The following ERBB4 variants were observed in gnomAD, a reference collection of about 807,000 sequenced individuals.
ERBB4 encodes erb-b2 receptor tyrosine kinase 4, also known as receptor tyrosine-protein kinase erbB-4.
Under a neutral mutation model 158.0 loss-of-function variants are expected in ERBB4, and 42 were observed. The observed-to-expected ratio is 0.27, with a 90% CI of 0.21 to 0.34. The LOEUF (loss-of-function observed/expected upper bound fraction) is 0.34, where lower values mean the gene tolerates loss of function less well. ERBB4 is among the 10% of genes least tolerant of loss of function. The pLI is 1.00. For missense variants in ERBB4, 1,333 were observed against 1,624.1 expected, an observed-to-expected ratio of 0.82 and a Z score of 3.08; for synonymous variants, 583 against 558.7, an observed-to-expected ratio of 1.04 and a Z score of -0.61.
intron 3 of ERBB4, among the ~76,000 whole-genome samples, chr2:211,854,211 C>T (rs968114413): frequency 5.3e-5 from 8 of 151,928 alleles, no homozygotes; most frequent in African/African-American, 1.7e-4. Context: ...TTATCATCTA[C>T]AAAATCAAGG....
chr2:211,873,514 G>A (rs1277154780), intron 3 of ERBB4, among the ~76,000 whole-genome samples: 2 of 152,288 alleles, frequency 1.3e-5, no homozygotes, highest in Non-Finnish European at 2.9e-5. Flanking sequence ...AAAATCCCAT[G>A]CCTAAGATAT....
intron 15 of ERBB4, chr2:211,658,137 T>A: frequency 1.8e-6 from 1 of 563,300 alleles, no homozygotes; most frequent in Non-Finnish European, 3.1e-6. Flanking sequence ...AGGAAGATTT[T>A]TGCTTGATGA....
intron 14 of ERBB4, among the ~76,000 whole-genome samples, chr2:211,668,424 T>G (rs2071709936): frequency 6.6e-6 from 1 of 152,184 alleles, no homozygotes; most frequent in Admixed American, 6.5e-5. Context: ...TTCATTATAT[T>G]CCCAAAGGCT....
intron 1 of ERBB4, among the ~76,000 whole-genome samples, chr2:212,159,635 T>C (rs2081146616): frequency 6.6e-6 from 1 of 151,944 alleles, no homozygotes; most frequent in Non-Finnish European, 1.5e-5. Flanking sequence ...ATGAATTGTT[T>C]TCTTTCATCC....
Position 212,317,638 on chromosome 2 carries a change from G to T in ERBB4, c.83-192735C>A, listed in dbSNP as rs146242948. On this transcript the variant is annotated intron_variant, in intron 1 of 27. Transcript: ENST00000342788. ...ATTTCACAGAATTCTTAGAATTACA[G>T]AAGTTTCTAAATAAAGAGAACTTCA... 4.0e-4 allele frequency among the ~76,000 whole-genome samples: 61 copies of T among 151,524 alleles called. 1 individual carries two copies. The highest frequency in any genetic ancestry group is 6.6e-4 in the Non-Finnish European group (45 of 67,728).
rs533318120 is a variant in ERBB4 at position 211,496,360 on chromosome 2, T to C, written c.2488-65260A>G. On this transcript the variant is annotated intron_variant, in intron 20 of 27. Transcript: ENST00000342788. ...GACACTTCTGTTTGAGCCTCTAATA[T>C]GTTATGTGTGCAAATCTGTGCTCCT... Among the ~76,000 whole-genome samples the C allele has an allele frequency of 2.2e-4, 33 of 152,108 alleles. No individual in the cohort carries two copies. In the South Asian group the frequency reaches 6.4e-3, roughly 30 times the overall value.
chr2:212,495,324 C>G (rs1031805801), intron 1 of ERBB4, among the ~76,000 whole-genome samples: 1 of 152,122 alleles, frequency 6.6e-6, no homozygotes, highest in African/African-American at 2.4e-5. Flanking sequence ...AGTTTGCAAA[C>G]AATTCCAGGA....
chr2:212,445,068 G>A lies in ERBB4; in HGVS notation c.82+93381C>T, dbSNP rs547436693. Among the ~76,000 whole-genome samples the A allele has an allele frequency of 3.9e-5, 6 of 152,016 alleles. 1 individual carries two copies. In the South Asian group the frequency reaches 1.2e-3, roughly 32 times the overall value. On this transcript the variant is annotated intron_variant, in intron 1 of 27. Transcript: ENST00000342788. The stretch of plus-strand genomic sequence containing the variant: ...TTTATAGCTAAAGAACTGTGGCAGT[G>A]GGCTCATGCTCATGGAATTCACTGG...
At chr2:212,383,417 G>GGAAA (rs1387198632) in intron 1 of ERBB4, among the ~76,000 whole-genome samples, 60 of 151,574 alleles carry the variant, frequency 4.0e-4, no homozygotes, top group African/African-American at 1.4e-3. Context: ...AAAGAAAGAA[G>GGAAA]GAAAGAAACA....
intron 20 of ERBB4, among the ~76,000 whole-genome samples, chr2:211,476,177 G>T (rs931254426): frequency 1.3e-5 from 2 of 151,958 alleles, no homozygotes; most frequent in African/African-American, 2.4e-5. Flanking sequence ...TAAGACAGAG[G>T]GGAAAACATG....
intron 2 of ERBB4, among the ~76,000 whole-genome samples, chr2:211,967,335 C>T (rs1434392778): frequency 1.3e-5 from 2 of 151,962 alleles, no homozygotes; most frequent in Non-Finnish European, 2.9e-5. Flanking sequence ...ATTTAAGAGG[C>T]TTTACTTAAG....
intron 18 of ERBB4, among the ~76,000 whole-genome samples, chr2:211,622,991 ATATATATATATATATATAT>A (rs1327516687): frequency 7.8e-4 from 5 of 6,424 alleles, no homozygotes; most frequent in Admixed American, 4.5e-3. Context: ...AAAAAAAAAA[ATATATATATATATATATAT>A]ATATATATAT....
intron 1 of ERBB4, among the ~76,000 whole-genome samples, chr2:212,197,516 T>C (rs955079131): frequency 6.6e-6 from 1 of 152,172 alleles, no homozygotes; most frequent in Non-Finnish European, 1.5e-5. Flanking sequence ...CTCTCATAAA[T>C]ATCTTGCTCA....
At chr2:211,592,554 GA>G (rs1176679504) in intron 19 of ERBB4, among the ~76,000 whole-genome samples, 1 of 152,098 alleles carries the variant, frequency 6.6e-6, no homozygotes, top group African/African-American at 2.4e-5. Flanking sequence ...AAGGATGCAT[GA>G]AAAATAAAAC....
At chr2:211,837,069 C>T (rs1487234233) in intron 3 of ERBB4, among the ~76,000 whole-genome samples, 2 of 151,980 alleles carry the variant, frequency 1.3e-5, no homozygotes. Context: ...TTATGAAATA[C>T]ATCTAAATAA....
intron 20 of ERBB4, among the ~76,000 whole-genome samples, chr2:211,513,845 TA>T (rs956963749): frequency 6.6e-6 from 1 of 151,998 alleles, no homozygotes; most frequent in African/African-American, 2.4e-5. Context: ...TGGGGGGGAT[TA>T]AAAAATTGAT....
At chr2:211,681,836 T>TATC (rs760429207) in intron 12 of ERBB4, among the ~76,000 whole-genome samples, 88 of 152,252 alleles carry the variant, frequency 5.8e-4, no homozygotes, top group Non-Finnish European at 1.1e-3. Flanking sequence ...TTTGATAACT[T>TATC]ATCAACCTTT....
intron 1 of ERBB4, among the ~76,000 whole-genome samples, chr2:212,402,267 C>T (rs1052614793): frequency 2.0e-5 from 3 of 152,032 alleles, no homozygotes; most frequent in Non-Finnish European, 4.4e-5. Flanking sequence ...TCAAAGATTC[C>T]ATACTTTATT....
intron 16 of ERBB4, among the ~76,000 whole-genome samples, chr2:211,635,782 AT>A (rs1292251651): frequency 1.3e-5 from 2 of 152,114 alleles, no homozygotes; most frequent in African/African-American, 4.8e-5. Context: ...ATAAATGTTA[AT>A]TCTATGATTC....
Sources: allele counts gnomAD v4.1 joint callset (sites outside exome capture counted in the v4.1 genomes callset), GRCh38; gene constraint gnomAD v4.1.1; transcripts MANE v1.5; gene names NCBI Gene and HGNC (gene_info 2026-07-23, HGNC 2026-07-21).